The following ZSCAN20 variants were observed in gnomAD, a reference collection of about 807,000 sequenced individuals.
ZSCAN20 encodes zinc finger and SCAN domain containing 20, also known as zinc finger and SCAN domain-containing protein 20.
ZSCAN20 carries 39 observed loss-of-function variants against 97.1 expected under a neutral mutation model. The ratio of observed to expected loss-of-function variants is 0.40; its 90% CI spans 0.31 to 0.52. ZSCAN20 has a LOEUF of 0.52. Among genes scored for constraint, ZSCAN20 ranks in the 20% least tolerant of loss-of-function variants. ZSCAN20 has a pLI of 0.49. For missense variants in ZSCAN20, 1,115 were observed against 1,290.4 expected (o/e 0.86, Z 2.08); for synonymous variants, 456 against 467.3 (o/e 0.98, Z 0.31).
At chr1:33,488,797 A>G in intron 3 of ZSCAN20, 146 bp downstream of exon 3, 2 of 895,808 alleles carry the variant, frequency 2.2e-6, no homozygotes, top group East Asian at 2.7e-5. Flanking sequence ...ACTGAGAAGT[A>G]AGCAAGCCTC....
rs376610316 is a variant in ZSCAN20 at position 33,493,631 on chromosome 1, T to C, written c.1873+16T>C. On this transcript the variant is annotated intron_variant, in intron 7 of 7. Transcript: ENST00000684572. The surrounding 1 kb of genome is among the most constrained non-coding windows in gnomAD (Gnocchi z 4.3). Reference sequence around the variant, plus strand: ...CCAGACATGGGTAAGCCTGGAGTAATTGGATGTTCTCAAAATCTGTGGGCA... The same window carrying C: ...CCAGACATGGGTAAGCCTGGAGTAACTGGATGTTCTCAAAATCTGTGGGCA... 1.8e-5 allele frequency: 28 copies of C among 1,529,348 alleles called. No individual in the cohort carries two copies. The highest frequency in any genetic ancestry group is 5.5e-5 in the African/African-American group (4 of 72,256). The allele number at this position is 1,529,348 out of a possible 1,614,324, so 94.7% of individuals were successfully genotyped here.
chr1:33,495,436 G>C lies in ZSCAN20; in HGVS notation c.3092G>C (p.Ser1031Thr). ...GACTTCAACAACAGTTCCCACTTCA[G>C]TGCTCACCGGAGAACCCATGCAGGA... ...GKDFNNSSHF[S>T]AHRRTHAGGK... is the part of the protein sequence containing the mutation. Residue 1031 changes from serine to threonine, a missense_variant, in exon 8 of 8, where the codon AGT becomes ACT. Around this residue, in one of 3 missense-constraint regions of ZSCAN20, gnomAD observed 554 missense variants for 584.9 expected, o/e 0.95. Coordinates refer to ENST00000684572, the MANE Select transcript of ZSCAN20 (RefSeq NM_001377376.1). 1 of 1,567,614 alleles carries C rather than the reference G, an allele frequency of 6.4e-7. No individual in the cohort carries two copies. The highest frequency in any genetic ancestry group is 8.6e-7 in the Non-Finnish European group (1 of 1,156,484).
intron 2 of ZSCAN20, 127 bp downstream of exon 2, chr1:33,479,832 C>G (rs1444421591): frequency 1.9e-6 from 2 of 1,033,968 alleles, no homozygotes; most frequent in Non-Finnish European, 2.7e-6. Flanking sequence ...ACTTATTGAC[C>G]ACTACTGTAT....
chr1:33,498,525 C>T lies in ZSCAN20; in HGVS notation c.*3049C>T, dbSNP rs1018802540. Reference sequence around the variant, plus strand: ...CCCAAGAGCTTGCTGGGCACCCAGGCGCCCTCCAGTAGGTCTGTGCTGCTC... The same window carrying T: ...CCCAAGAGCTTGCTGGGCACCCAGGTGCCCTCCAGTAGGTCTGTGCTGCTC... On this transcript the variant is annotated 3_prime_UTR_variant, in exon 8 of 8. Transcript: ENST00000684572. Among the ~76,000 whole-genome samples, 13 of 152,282 alleles carry T rather than the reference C, an allele frequency of 8.5e-5. No homozygotes were observed. The highest frequency in any genetic ancestry group is 8.8e-5 in the Non-Finnish European group (6 of 68,020).
intron 1 of ZSCAN20, among the ~76,000 whole-genome samples, chr1:33,475,492 G>A (rs574447713): frequency 6.6e-5 from 10 of 152,286 alleles, no homozygotes; most frequent in Non-Finnish European, 1.2e-4. Context: ...GGACTGTGCG[G>A]TATGAAAGAC....
intron 1 of ZSCAN20, among the ~76,000 whole-genome samples, chr1:33,474,875 C>G (rs865813539): frequency 2.0e-5 from 3 of 152,124 alleles, no homozygotes; most frequent in African/African-American, 2.4e-5. Flanking sequence ...GTCCTTATAC[C>G]CATTTAAACT....
rs531799743 is a variant in ZSCAN20, at chr1:33,483,036, A to G, written c.417+3331A>G. Among the ~76,000 whole-genome samples the G allele has an allele frequency of 3.0e-3, 458 of 152,310 alleles. 1 individual carries two copies. Among genetic ancestry groups the G allele is most frequent in the Non-Finnish European group, 4.6e-3 (315 of 68,032 alleles). On this transcript the variant is annotated intron_variant, in intron 2 of 7. Coordinates refer to ENST00000684572, the MANE Select transcript of ZSCAN20 (RefSeq NM_001377376.1). ...CTTGTCTTCTCATTCTCTTGACAGT[A>G]TCTTTCATAGAGCAGTATTTTTTAA...
chr1:33,477,585 G>C (rs1651982478), intron 1 of ZSCAN20, among the ~76,000 whole-genome samples: 1 of 151,180 alleles, frequency 6.6e-6, no homozygotes, highest in Non-Finnish European at 1.5e-5. Flanking sequence ...AAAGTGGTAA[G>C]TGTCACAGAG....
rs1652962461 is a variant in ZSCAN20 at position 33,498,822 on chromosome 1, G to T, written c.*3346G>T. Among the ~76,000 whole-genome samples the T allele has an allele frequency of 6.6e-6, 1 of 152,188 alleles. No homozygotes were observed. The highest frequency in any genetic ancestry group is 2.1e-4 in the South Asian group (1 of 4,828). On this transcript the variant is annotated 3_prime_UTR_variant, in exon 8 of 8. Transcript: ENST00000684572. ...CAAGAAGGGCATTGGCTCCTCTGAA[G>T]GGACAAAAAGGTACCTAAAGGACCT...
At chr1:33,489,037 T>G in intron 3 of ZSCAN20, 78 bp from the exon 4 acceptor site, 1 of 1,268,906 alleles carries the variant, frequency 7.9e-7, no homozygotes, top group Non-Finnish European at 1.1e-6. Flanking sequence ...AAGTGTTACT[T>G]TTGGAAAGCC....
At chr1:33,480,200 A>ACTGGCTC (rs2148450696) in intron 2 of ZSCAN20, among the ~76,000 whole-genome samples, 1 of 152,306 alleles carries the variant, frequency 6.6e-6, no homozygotes, top group South Asian at 2.1e-4. Context: ...TCCCCATTTT[A>ACTGGCTC]TAGATTAAAC....
intron 1 of ZSCAN20, among the ~76,000 whole-genome samples, chr1:33,477,446 T>C (rs1198784636): frequency 6.6e-6 from 1 of 151,960 alleles, no homozygotes; most frequent in Non-Finnish European, 1.5e-5. Context: ...CACCCAGACT[T>C]GTTGGGATGA....
intron 5 of ZSCAN20, among the ~76,000 whole-genome samples, chr1:33,489,858 C>T (rs1274831753): frequency 6.6e-6 from 1 of 152,158 alleles, no homozygotes; most frequent in African/African-American, 2.4e-5. Flanking sequence ...CCATTCACCA[C>T]AGTCCAGGGG....
intron 2 of ZSCAN20, among the ~76,000 whole-genome samples, chr1:33,485,532 C>CG (rs1652329109): frequency 1.5e-5 from 1 of 65,898 alleles, no homozygotes; most frequent in Non-Finnish European, 3.6e-5. Flanking sequence ...GCCTCAGCCC[C>CG]CTGTAGCTGG....
Position 33,479,160 on chromosome 1 carries a change from C to CT in ZSCAN20, c.-110-16dup. ...TGCATCCTTTTGCTCACACTCTATCCTTTGTCTTTCTGCCTTAGAGCCTTG... is the reference window on the plus strand; with the variant it reads ...TGCATCCTTTTGCTCACACTCTATCCTTTTGTCTTTCTGCCTTAGAGCCTTG... On this transcript the variant is annotated intron_variant, in intron 1 of 7. Transcript: ENST00000684572. 2.0e-6 allele frequency: 2 copies of CT among 1,012,526 alleles called. No individual in the cohort carries two copies. The highest frequency in any genetic ancestry group is 2.9e-6 in the Non-Finnish European group (2 of 687,172). 62.7% of individuals were successfully genotyped at this position (1,012,526 alleles called of 1,614,324 possible). A position where few individuals can be genotyped will look rare whatever the true frequency, so the allele number is the denominator to read the frequency against.
chr1:33,475,414 A>G (rs1003063884), intron 1 of ZSCAN20, among the ~76,000 whole-genome samples: 3 of 152,244 alleles, frequency 2.0e-5, no homozygotes, highest in African/African-American at 2.4e-5. Context: ...CTGCCTTTCA[A>G]TAAATAAACT....
Position 33,491,108 on chromosome 1 carries a change from A to C in ZSCAN20, c.850A>C (p.Lys284Gln). The C allele has an allele frequency of 1.2e-6, 2 of 1,613,848 alleles. No homozygotes were observed. Among genetic ancestry groups the C allele is most frequent in the Non-Finnish European group, 1.7e-6 (2 of 1,180,006 alleles). ...FWGLSLINSGKRSTADYSLDN... is the reference protein window; with the variant it reads ...FWGLSLINSGQRSTADYSLDN... ...GGGTCTAAGTCTTATAAATTCTGGG[A>C]AAAGGAGCACTGCAGATTACAGCCT... The change falls in exon 6 of 8, where the codon AAA (lysine) becomes CAA (glutamine). Residue 284 changes from lysine (K) to glutamine (Q), a missense_variant. Lys to Gln is a moderately conservative substitution (Grantham distance 53, BLOSUM62 1). Around this residue, in one of 3 missense-constraint regions of ZSCAN20, gnomAD observed 508 missense variants for 611.2 expected, o/e 0.83. Coordinates refer to ENST00000684572, the MANE Select transcript of ZSCAN20 (RefSeq NM_001377376.1). This position sits in a 1 kb window ranked among gnomAD's most constrained non-coding sequence, Gnocchi z 4.3.
rs1652842675 is a variant in ZSCAN20 at position 33,495,815 on chromosome 1, C to G, written c.*339C>G. The G allele has an allele frequency of 5.7e-6, 1 of 174,428 alleles. No homozygotes were observed. The highest frequency in any genetic ancestry group is 2.4e-5 in the African/African-American group (1 of 42,180). The allele number at this position is 174,428 out of a possible 1,614,324, so 10.8% of individuals were successfully genotyped here. A position where few individuals can be genotyped will look rare whatever the true frequency, so the allele number is the denominator to read the frequency against. The stretch of plus-strand genomic sequence containing the variant: ...GTCCTGAGCAGTGATTCCAAACTCT[C>G]ACTGTGCCTTCACACCATCCATGTG... On this transcript the variant is annotated 3_prime_UTR_variant, in exon 8 of 8. Coordinates refer to ENST00000684572, the MANE Select transcript of ZSCAN20 (RefSeq NM_001377376.1).
Position 33,495,304 on chromosome 1 carries a change from A to T in ZSCAN20, c.2960A>T (p.Tyr987Phe). The T allele has an allele frequency of 1.9e-6, 3 of 1,612,950 alleles. No homozygotes were observed. Among genetic ancestry groups the T allele is most frequent in the Non-Finnish European group, 2.5e-6 (3 of 1,179,320 alleles). The part of the protein sequence containing the change: ...HQRIHTGEKP[Y>F]KCRECGKCFN... ...AGGATTCATACGGGAGAGAAGCCGT[A>T]TAAGTGCAGAGAGTGTGGGAAATGC... is the stretch of plus-strand genomic sequence containing the variant. Residue 987 changes from tyrosine (Y) to phenylalanine (F), a missense_variant, in exon 8 of 8, where the codon TAT (tyrosine) becomes TTT (phenylalanine). Physicochemically the swap from Tyr to Phe is conservative, Grantham distance 22. Coordinates refer to ENST00000684572, the MANE Select transcript of ZSCAN20 (RefSeq NM_001377376.1).
Sources: allele counts gnomAD v4.1 joint callset (sites outside exome capture counted in the v4.1 genomes callset), GRCh38; gene constraint gnomAD v4.1.1; regional missense constraint gnomAD v4.1.1; non-coding constraint Gnocchi (gnomAD v3.1); transcripts MANE v1.5; gene names NCBI Gene and HGNC (gene_info 2026-07-23, HGNC 2026-07-21).